C5: variants seen among roughly 807,000 people sequenced by gnomAD.
C5 encodes the protein complement C5.
In C5, 140 loss-of-function variants were observed where a neutral mutation model predicts 218.8. The ratio of observed to expected loss-of-function variants is 0.64; its 90% confidence interval spans 0.56 to 0.74. The LOEUF (loss-of-function observed/expected upper bound fraction) is 0.74, where lower values mean the gene tolerates loss of function less well. C5 is among the 30% of genes least tolerant of loss of function. The probability of loss-of-function intolerance (pLI) is 0.00; values close to 1 mark genes in which losing one functional copy is unlikely to be tolerated. For synonymous variants in C5, 614 were observed against 682.3 expected, an observed-to-expected ratio of 0.90 and a Z score of 1.56; for missense variants, 1,700 against 1,969.6, an observed-to-expected ratio of 0.86 and a Z score of 2.59.
chr9:120,966,667 G>A (rs2046870211), intron 33 of C5, among the ~76,000 whole-genome samples: 1 of 152,284 alleles, frequency 6.6e-6, no homozygotes, highest in South Asian at 2.1e-4. Context: ...CCAAGGGTAG[G>A]AATGGCATTT....
intron 34 of C5, 128 bp downstream of exon 34, chr9:120,963,508 A>C (rs556749031): frequency 1.3e-6 from 1 of 787,840 alleles, no homozygotes; most frequent in East Asian, 2.8e-5. Flanking sequence ...CACCTCCAAA[A>C]AAAAAAAAAT....
At chr9:120,956,130 G>A (rs1005191847) in intron 39 of C5, among the ~76,000 whole-genome samples, 4 of 151,816 alleles carry the variant, frequency 2.6e-5, no homozygotes, top group African/African-American at 9.7e-5. Context: ...CCCCATCTCC[G>A]CTAAGATACA....
the C5 span, among the ~76,000 whole-genome samples, chr9:121,061,445 C>T: frequency 5.9e-5 from 9 of 151,618 alleles, 1 homozygote; most frequent in Admixed American, 3.3e-4. Flanking sequence ...CTACTTGGGG[C>T]GCTGAGGCAC....
At chr9:121,067,290 C>T in the C5 span, among the ~76,000 whole-genome samples, 98 of 151,578 alleles carry the variant, frequency 6.5e-4, no homozygotes, top group South Asian at 1.9e-3. Context: ...AGGCAGGGCG[C>T]GGTGGCTCAC....
intron 9 of C5, among the ~76,000 whole-genome samples, chr9:121,024,770 T>C (rs1426830584): frequency 6.6e-6 from 1 of 152,232 alleles, no homozygotes; most frequent in South Asian, 2.1e-4. Context: ...AGAGCTCATA[T>C]GGAATTCTTT....
intron 7 of C5, among the ~76,000 whole-genome samples, chr9:121,029,925 C>T (rs1361860799): frequency 6.6e-6 from 1 of 152,178 alleles, no homozygotes; most frequent in African/African-American, 2.4e-5. Flanking sequence ...GCTGACCTAC[C>T]AACTGGCTGC....
intron 30 of C5, among the ~76,000 whole-genome samples, chr9:120,972,455 C>A (rs1232831760): frequency 6.6e-6 from 1 of 152,136 alleles, no homozygotes; most frequent in Admixed American, 6.5e-5. Context: ...TCTCTGAGCT[C>A]CTCCTTTGCA....
intron 4 of C5, among the ~76,000 whole-genome samples, chr9:121,037,259 T>G (rs1247181197): frequency 6.6e-6 from 1 of 151,798 alleles, no homozygotes; most frequent in Non-Finnish European, 1.5e-5. Flanking sequence ...AAATGGGTAT[T>G]CAGTCAATTC....
At chr9:121,001,368 T>C (rs116710468) in intron 20 of C5, among the ~76,000 whole-genome samples, 1,910 of 152,202 alleles carry the variant, frequency 0.013, 39 homozygotes, top group African/African-American at 0.044. Flanking sequence ...ATAGAATACA[T>C]GAAAGAAGAA....
intron 17 of C5, 102 bp from the exon 18 acceptor site, chr9:121,008,600 G>T: frequency 1.2e-6 from 1 of 868,962 alleles, no homozygotes; most frequent in Admixed American, 1.9e-5. Flanking sequence ...AGCATTTTCT[G>T]AAAGGTAAAT....
At chr9:121,064,754 A>T in the C5 span, among the ~76,000 whole-genome samples, 7 of 152,186 alleles carry the variant, frequency 4.6e-5, no homozygotes, top group Non-Finnish European at 1.0e-4. Flanking sequence ...TCAAACTACA[A>T]ATTTGGAATC....
chr9:121,042,862 G>T, intron 3 of C5, 142 bp downstream of exon 3: 2 of 626,150 alleles, frequency 3.2e-6, no homozygotes, highest in Non-Finnish European at 5.6e-6. Flanking sequence ...TGTAAGTATA[G>T]ATGTCTTTGG....
At position 120,997,650 on chromosome 9, in the gene C5, A is replaced by C; in HGVS notation, c.2687T>G (p.Val896Gly). The change falls in exon 21 of 41, where the codon GTG becomes GGG. Residue 896 changes from valine (V) to glycine (G), a missense_variant. By Grantham distance (109) the Val-to-Gly change is moderately radical. Transcript: ENST00000223642. ...QKVEGSSSHL[V>G]TFTVLPLEIG... ...TTCCAGAGGAAGCACAGTGAATGTC[A>C]CCAAGTGACTGGAGGAGCCCTCTAC... The C allele has an allele frequency of 6.2e-7, 1 of 1,614,146 alleles. No homozygotes were observed.
chr9:121,039,399 G>C (rs993992381), intron 3 of C5, among the ~76,000 whole-genome samples: 2 of 152,060 alleles, frequency 1.3e-5, no homozygotes, highest in African/African-American at 4.8e-5. Context: ...AGCACTTTGG[G>C]AGGCCGAGGT....
At chr9:121,001,467 T>A (rs1451119126) in intron 20 of C5, among the ~76,000 whole-genome samples, 1 of 152,220 alleles carries the variant, frequency 6.6e-6, no homozygotes, top group African/African-American at 2.4e-5. Context: ...ATATCACTTG[T>A]GTCTGTCAAC....
chr9:120,992,844 C>T (rs1199828463), intron 22 of C5, among the ~76,000 whole-genome samples: 6 of 152,050 alleles, frequency 3.9e-5, no homozygotes, highest in Non-Finnish European at 7.4e-5. Context: ...AAATATATAA[C>T]CATAAGATGA....
intron 7 of C5, among the ~76,000 whole-genome samples, chr9:121,028,733 C>T (rs1263231137): frequency 1.3e-5 from 2 of 152,100 alleles, no homozygotes; most frequent in East Asian, 3.8e-4. Flanking sequence ...AGGAGAAATA[C>T]CTAATGTATG....
At position 121,013,761 on chromosome 9, in the gene C5, C is replaced by A. The variant is rs2047282543; in HGVS notation, c.2257+112G>T. ...TTTCTTATGGACATTTACAAGTTAT[C>A]TTTTCTACTTTCAATTCTAAATAGA... On this transcript the variant is annotated intron_variant, in intron 17 of 40. Transcript: ENST00000223642. 8 of 1,000,420 alleles carry A rather than the reference C, an allele frequency of 8.0e-6. 1 individual carries two copies. Among genetic ancestry groups the A allele is most frequent in the Non-Finnish European group, 1.2e-5 (8 of 659,376 alleles). 62.0% of individuals were successfully genotyped at this position (1,000,420 alleles called of 1,614,324 possible). A position where few individuals can be genotyped will look rare whatever the true frequency, so the allele number is the denominator to read the frequency against.
rs771372448 is a variant in C5, at chr9:121,006,107, T to C, written c.2423-49A>G. 5 of 1,586,388 alleles carry C rather than the reference T, an allele frequency of 3.2e-6. No homozygotes were observed. In the African/African-American group the frequency reaches 6.7e-5, roughly 21 times the overall value. ...GTAGAATCATATTAGGAAATTCCTA[T>C]AATGTTTTATTGGTATTAAAATTTC... On this transcript the variant is annotated intron_variant, in intron 19 of 40. Transcript: ENST00000223642.
Sources: allele counts gnomAD v4.1 joint callset (sites outside exome capture counted in the v4.1 genomes callset), GRCh38; gene constraint gnomAD v4.1.1; transcripts MANE v1.5; gene names NCBI Gene and HGNC (gene_info 2026-07-23, HGNC 2026-07-21).